The following CENPK variants were observed in gnomAD, a reference collection of about 807,000 sequenced individuals.
CENPK encodes the protein SoxLZ/Sox6-binding protein Solt.
Under a neutral mutation model 40.9 loss-of-function variants are expected in CENPK, and 46 were observed. The observed-to-expected ratio is 1.13, with a 90% CI of 0.89 to 1.44. The LOEUF is 1.44. CENPK is among the 40% of genes most tolerant of loss of function. CENPK has a pLI of 0.00. For synonymous variants in CENPK, 107 were observed against 104.4 expected, an observed-to-expected ratio of 1.02 and a Z score of -0.15; for missense variants, 288 against 303.5, an observed-to-expected ratio of 0.95 and a Z score of 0.38.
At chr5:65,555,838 A>T (rs11743712) in intron 2 of CENPK, among the ~76,000 whole-genome samples, 38,040 of 152,160 alleles carry the variant, frequency 0.25, 4,815 homozygotes, top group South Asian at 0.32. Context: ...TTAAAAACTC[A>T]GTTTAGGATA....
intron 4 of CENPK, among the ~76,000 whole-genome samples, chr5:65,551,837 CTGAT>C (rs1288826673): frequency 2.0e-5 from 3 of 151,952 alleles, no homozygotes. Flanking sequence ...TTCCATAATT[CTGAT>C]TATTATAATG....
intron 6 of CENPK, among the ~76,000 whole-genome samples, chr5:65,530,480 A>C (rs1201082581): frequency 6.6e-6 from 1 of 152,226 alleles, no homozygotes; most frequent in African/African-American, 2.4e-5. Context: ...GGGAATAGTA[A>C]GTACAAAGGC....
chr5:65,501,690 T>C, the CENPK span, among the ~76,000 whole-genome samples: 7 of 152,154 alleles, frequency 4.6e-5, no homozygotes, highest in African/African-American at 9.7e-5. Flanking sequence ...GTGGTGAAAG[T>C]CCACGTTCTC....
chr5:65,513,481 T>C (rs780958834), downstream of CENPK, among the ~76,000 whole-genome samples: 1 of 152,222 alleles, frequency 6.6e-6, no homozygotes, highest in Non-Finnish European at 1.5e-5. Context: ...CATGAGACTT[T>C]TGTAGTTTTC....
At chr5:65,555,448 A>G (rs1750813081) in intron 2 of CENPK, among the ~76,000 whole-genome samples, 1 of 152,242 alleles carries the variant, frequency 6.6e-6, no homozygotes, top group Admixed American at 6.5e-5. Flanking sequence ...CAGAGAGACA[A>G]TAGGGATGAG....
At chr5:65,530,432 A>G (rs1745577069) in intron 6 of CENPK, among the ~76,000 whole-genome samples, 1 of 152,246 alleles carries the variant, frequency 6.6e-6, no homozygotes, top group Non-Finnish European at 1.5e-5. Context: ...AAAGGAAAAC[A>G]TTATGTTACT....
At chr5:65,547,848 T>A (rs1436515908) in intron 5 of CENPK, among the ~76,000 whole-genome samples, 1 of 152,028 alleles carries the variant, frequency 6.6e-6, no homozygotes, top group Non-Finnish European at 1.5e-5. Context: ...ATATTTTTAG[T>A]AGAGATGGGG....
chr5:65,530,237 T>C (rs1445402773), intron 6 of CENPK, among the ~76,000 whole-genome samples: 2 of 151,958 alleles, frequency 1.3e-5, no homozygotes, highest in African/African-American at 4.8e-5. Flanking sequence ...GAGGGATAGA[T>C]GTAAAGCTGA....
At chr5:65,546,250 C>A (rs1748949470) in intron 5 of CENPK, among the ~76,000 whole-genome samples, 1 of 152,198 alleles carries the variant, frequency 6.6e-6, no homozygotes, top group Non-Finnish European at 1.5e-5. Flanking sequence ...AGGTGATCCA[C>A]CAGCCCTGGC....
At chr5:65,551,407 C>A (rs1380441225) in intron 5 of CENPK, among the ~76,000 whole-genome samples, 157 bp downstream of exon 5, 2 of 151,386 alleles carry the variant, frequency 1.3e-5, no homozygotes, top group African/African-American at 2.4e-5. Flanking sequence ...AAAAGAAGTA[C>A]AAAATAATTC....
rs869192025 is a variant in CENPK, at chr5:65,545,324, GCACACACACACACACACA to G, written c.242-2494_242-2477del. ...GACAAAGAAAAAGTCCTCAAAGCGC[GCACACACACACACACACA>G]CACACACACACACACACACACACAC... On this transcript the variant is annotated intron_variant, in intron 5 of 10. Coordinates refer to ENST00000396679, the MANE Select transcript of CENPK (RefSeq NM_022145.5). Among the ~76,000 whole-genome samples the G allele has an allele frequency of 1.8e-3, 115 of 64,372 alleles. 1 individual carries two copies. Among genetic ancestry groups the G allele is most frequent in the Middle Eastern group, 8.8e-3 (1 of 114 alleles). The allele number at this position is 64,372 out of a possible 152,430, so 42.2% of individuals were successfully genotyped here. A position where few individuals can be genotyped will look rare whatever the true frequency, so the allele number is the denominator to read the frequency against.
chr5:65,514,230 C>CTT (rs1183025827), downstream of CENPK, among the ~76,000 whole-genome samples: 12 of 62,796 alleles, frequency 1.9e-4, no homozygotes, highest in Non-Finnish European at 3.1e-4. Context: ...CTCACATAAT[C>CTT]TTTTTTTTTT....
the CENPK span, among the ~76,000 whole-genome samples, chr5:65,501,723 G>A: frequency 6.6e-6 from 1 of 152,282 alleles, no homozygotes; most frequent in Non-Finnish European, 1.5e-5. Context: ...TTGACACCCA[G>A]GGTAGGGAAA....
intron 5 of CENPK, among the ~76,000 whole-genome samples, chr5:65,545,650 T>C (rs983618743): frequency 6.6e-5 from 10 of 151,976 alleles, no homozygotes; most frequent in African/African-American, 2.4e-4. Context: ...TTTTAGAAGA[T>C]CAGGAAGGAA....
At chr5:65,547,816 C>T (rs557250467) in intron 5 of CENPK, among the ~76,000 whole-genome samples, 1 of 152,218 alleles carries the variant, frequency 6.6e-6, no homozygotes, top group Non-Finnish European at 1.5e-5. Context: ...AGGCGCCCAC[C>T]ACAACACCTG....
chr5:65,503,874 T>A, the CENPK span, among the ~76,000 whole-genome samples: 9 of 151,872 alleles, frequency 5.9e-5, no homozygotes, highest in Non-Finnish European at 1.5e-5. Context: ...GTCAGACTGG[T>A]CTAGAACTCC....
At chr5:65,510,748 C>G in the CENPK span, among the ~76,000 whole-genome samples, 1 of 148,694 alleles carries the variant, frequency 6.7e-6, no homozygotes. Flanking sequence ...TGCACTCCAG[C>G]TTGGACAACA....
intron 5 of CENPK, among the ~76,000 whole-genome samples, chr5:65,543,105 A>G (rs1748262684): frequency 6.6e-6 from 1 of 152,124 alleles, no homozygotes; most frequent in African/African-American, 2.4e-5. Context: ...CTGGGATTAC[A>G]GGCATCCACC....
At chr5:65,547,671 CT>C (rs1030185654) in intron 5 of CENPK, among the ~76,000 whole-genome samples, 42 of 145,714 alleles carry the variant, frequency 2.9e-4, no homozygotes, top group East Asian at 4.0e-4. Flanking sequence ...TGGGGAATTT[CT>C]TTTTTTTTTT....
Sources: gnomAD v4.1 joint callset for allele counts (sites outside exome capture counted in the v4.1 genomes callset) on GRCh38, gnomAD v4.1.1 for gene constraint, MANE v1.5 for transcripts, NCBI Gene and HGNC (gene_info 2026-07-23, HGNC 2026-07-21) for gene names.